The following PRKCH variants were observed in gnomAD, a reference collection of about 807,000 sequenced individuals.
PRKCH encodes protein kinase C eta type.
PRKCH carries 28 observed loss-of-function variants against 82.5 expected under a neutral mutation model. That is an observed-to-expected ratio of 0.34 (90% CI 0.25 to 0.47). The LOEUF is 0.47. Ranked by LOEUF, PRKCH falls within the 20% of genes least tolerant of loss-of-function variation. The pLI is 1.00. For missense variants in PRKCH, 705 were observed against 881.8 expected (o/e 0.80, Z 2.54); for synonymous variants, 322 against 327.4 (o/e 0.98, Z 0.18).
chr14:61,525,475 C>A (rs1207854942), intron 10 of PRKCH, among the ~76,000 whole-genome samples: 1 of 152,184 alleles, frequency 6.6e-6, no homozygotes, highest in Non-Finnish European at 1.5e-5. Context: ...TGAGTCACAT[C>A]CCTGTCTTGC....
intron 1 of PRKCH, among the ~76,000 whole-genome samples, chr14:61,283,267 C>T (rs939687723): frequency 3.3e-5 from 5 of 152,170 alleles, no homozygotes; most frequent in African/African-American, 1.2e-4. Flanking sequence ...CTCCTTTTCT[C>T]CTATTCCTGG....
intron 2 of PRKCH, among the ~76,000 whole-genome samples, chr14:61,395,804 G>A (rs141084414): frequency 2.0e-5 from 3 of 152,136 alleles, no homozygotes; most frequent in African/African-American, 7.2e-5. Context: ...TTATGGCCAG[G>A]CGTGGTGTCT....
intron 2 of PRKCH, among the ~76,000 whole-genome samples, chr14:61,413,574 G>A (rs1882398100): frequency 6.6e-6 from 1 of 152,062 alleles, no homozygotes; most frequent in South Asian, 2.1e-4. Flanking sequence ...GAGGATAGTT[G>A]TCATTGCTTT....
chr14:61,499,283 T>C (rs1418267157), intron 10 of PRKCH, among the ~76,000 whole-genome samples: 1 of 152,220 alleles, frequency 6.6e-6, no homozygotes, highest in Non-Finnish European at 1.5e-5. Context: ...TTCTGTAAAC[T>C]TTGTAAGTAG....
At chr14:61,233,981 G>A (rs1467643411) in intron 1 of PRKCH, among the ~76,000 whole-genome samples, 1 of 151,738 alleles carries the variant, frequency 6.6e-6, no homozygotes, top group Non-Finnish European at 1.5e-5. Flanking sequence ...ATTTATCATC[G>A]AACTTCTCCA....
chr14:61,469,884 G>A (rs1030625930), intron 9 of PRKCH, among the ~76,000 whole-genome samples: 1 of 152,086 alleles, frequency 6.6e-6, no homozygotes, highest in African/African-American at 2.4e-5. Context: ...CATAGGGCTC[G>A]CCTTCAAGCC....
intron 1 of PRKCH, among the ~76,000 whole-genome samples, chr14:61,328,219 C>T (rs1449642525): frequency 1.4e-5 from 2 of 138,422 alleles, no homozygotes; most frequent in Non-Finnish European, 3.0e-5. Context: ...CACTGCGGTC[C>T]GCAGTCCGGC....
rs577215026 is a variant in PRKCH at position 61,477,521 on chromosome 14, A to G, written c.1279-7981A>G. Among the ~76,000 whole-genome samples, 13 of 152,330 alleles carry G rather than the reference A, an allele frequency of 8.5e-5. No homozygotes were observed. In the East Asian group the frequency reaches 2.5e-3, roughly 29 times the overall value. On this transcript the variant is annotated intron_variant, in intron 9 of 13. Transcript: ENST00000332981. ...GGTTCTGAGATTGAATCAACTTTAT[A>G]GAAAGGAAGAATAACTGCTATAAAA...
At chr14:61,371,686 A>G (rs1250775688) in intron 1 of PRKCH, among the ~76,000 whole-genome samples, 1 of 151,680 alleles carries the variant, frequency 6.6e-6, no homozygotes, top group Non-Finnish European at 1.5e-5. Flanking sequence ...GTTGATGTGA[A>G]CCTTGATTGC....
At chr14:61,546,303 T>C (rs1431137823) in intron 12 of PRKCH, among the ~76,000 whole-genome samples, 1 of 152,238 alleles carries the variant, frequency 6.6e-6, no homozygotes, top group Admixed American at 6.5e-5. Flanking sequence ...CTGCTCTGAC[T>C]GGGCCTGTGC....
chr14:61,371,714 T>A, intron 1 of PRKCH, among the ~76,000 whole-genome samples: 1 of 152,058 alleles, frequency 6.6e-6, no homozygotes, highest in East Asian at 1.9e-4. Flanking sequence ...AAATTATGTT[T>A]GTCAGATTTC....
chr14:61,472,430 T>C (rs1398952227), intron 9 of PRKCH, among the ~76,000 whole-genome samples: 1 of 152,216 alleles, frequency 6.6e-6, no homozygotes, highest in Non-Finnish European at 1.5e-5. Flanking sequence ...GTGGTTGGAT[T>C]GTACAAACAG....
intron 10 of PRKCH, among the ~76,000 whole-genome samples, chr14:61,526,873 G>A (rs980789169): frequency 3.9e-5 from 6 of 152,196 alleles, no homozygotes; most frequent in African/African-American, 7.2e-5. Context: ...CATCCCCCCC[G>A]TGACCTGCAG....
chr14:61,338,612 C>A (rs914365121), intron 1 of PRKCH, among the ~76,000 whole-genome samples: 2 of 152,166 alleles, frequency 1.3e-5, no homozygotes, highest in Non-Finnish European at 2.9e-5. Flanking sequence ...GTATTAATGA[C>A]AGCCTGCGCT....
chr14:61,215,587 C>A (rs548365663), intron 1 of PRKCH, among the ~76,000 whole-genome samples: 35 of 152,234 alleles, frequency 2.3e-4, no homozygotes, highest in Admixed American at 2.2e-3. Flanking sequence ...CTAACTAATA[C>A]AGATGCTCAA....
At chr14:61,358,214 A>G (rs1428535147) in intron 1 of PRKCH, among the ~76,000 whole-genome samples, 4 of 152,174 alleles carry the variant, frequency 2.6e-5, no homozygotes, top group African/African-American at 9.7e-5. Flanking sequence ...AATACTATCC[A>G]TCTCAGAAAT....
chr14:61,201,742 G>A (rs143536736), intron 1 of PRKCH, among the ~76,000 whole-genome samples: 43 of 152,258 alleles, frequency 2.8e-4, no homozygotes, highest in African/African-American at 9.4e-4. Context: ...AAAGTTGGAA[G>A]GGTGGTTAAT....
intron 1 of PRKCH, among the ~76,000 whole-genome samples, chr14:61,329,219 G>A (rs1217456628): frequency 7.8e-6 from 1 of 127,984 alleles, no homozygotes. Context: ...ACTGCTCTTA[G>A]ATAAACTCCT....
chr14:61,199,122 A>C (rs2140037343), intron 1 of PRKCH, among the ~76,000 whole-genome samples: 1 of 152,348 alleles, frequency 6.6e-6, no homozygotes, highest in Non-Finnish European at 1.5e-5. Context: ...TGTACTACTA[A>C]TAACTGAAAC....
Sources: allele counts gnomAD v4.1 joint callset (sites outside exome capture counted in the v4.1 genomes callset), GRCh38; gene constraint gnomAD v4.1.1; transcripts MANE v1.5; gene names NCBI Gene and HGNC (gene_info 2026-07-23, HGNC 2026-07-21).